Variants in DNAI3 observed in about 807,000 individuals in gnomAD.
DNAI3 encodes the protein dynein axonemal intermediate chain 3, also known as WD repeat domain 63.
In DNAI3, 83 loss-of-function variants were observed where a neutral mutation model predicts 115.5. That is an observed-to-expected ratio of 0.72 (90% CI 0.60 to 0.86). The LOEUF is 0.86. DNAI3 is among the 40% of genes least tolerant of loss of function. The pLI, the probability that DNAI3 is intolerant of heterozygous loss-of-function variation, is 0.00. For synonymous variants in DNAI3, 320 were observed against 347.0 expected (o/e 0.92, Z 0.86); for missense variants, 1,004 against 1,075.8 (o/e 0.93, Z 0.93).
At chr1:85,128,835 G>T in intron 21 of DNAI3, 36 bp downstream of exon 21, 2 of 1,557,256 alleles carry the variant, frequency 1.3e-6, no homozygotes, top group South Asian at 2.3e-5. Context: ...GAATTAATGT[G>T]ACCAGATATT....
chr1:85,082,215 A>T, intron 4 of DNAI3, 85 bp from the exon 5 acceptor site: 1 of 1,056,726 alleles, frequency 9.5e-7, no homozygotes, highest in Non-Finnish European at 1.4e-6. Context: ...TTGGTTGATT[A>T]GCGAAATGTG....
chr1:85,070,193 G>A (rs555644003), intron 1 of DNAI3, among the ~76,000 whole-genome samples: 40 of 152,068 alleles, frequency 2.6e-4, no homozygotes, highest in Admixed American at 2.3e-3. Flanking sequence ...CCTGGGAAGC[G>A]GAGGTTGCGG....
At chr1:85,076,552 C>T (rs867475151) in intron 3 of DNAI3, among the ~76,000 whole-genome samples, 5 of 152,264 alleles carry the variant, frequency 3.3e-5, no homozygotes, top group Non-Finnish European at 7.4e-5. Context: ...GCTGGGGAGG[C>T]TTCACAATCA....
Position 85,085,987 on chromosome 1 carries a change from C to G in DNAI3, c.697C>G (p.Gln233Glu). The change falls in exon 7 of 23, where the codon CAA becomes GAA. Residue 233 changes from glutamine (Q) to glutamate (E), a missense_variant. By Grantham distance (29) the Gln-to-Glu change is conservative. This residue lies in a region of DNAI3 where 550 missense variants were observed against 568.1 expected (regional missense o/e 0.97). Coordinates refer to ENST00000294664, the MANE Select transcript of DNAI3 (RefSeq NM_145172.5). ...LKQLEKDVGMQVIPQIKDIST... is the reference protein window; with the variant it reads ...LKQLEKDVGMEVIPQIKDIST... Reference sequence around the variant, plus strand: ...ACAACTTGAAAAAGATGTTGGCATGCAAGTAATCCCCCAAATAAAGGACAT... The same window carrying G: ...ACAACTTGAAAAAGATGTTGGCATGGAAGTAATCCCCCAAATAAAGGACAT... 1 of 1,614,056 alleles carries G rather than the reference C, an allele frequency of 6.2e-7. No individual in the cohort carries two copies.
chr1:85,123,234 G>A (rs1571200738), intron 18 of DNAI3, among the ~76,000 whole-genome samples: 1 of 152,228 alleles, frequency 6.6e-6, no homozygotes, highest in East Asian at 1.9e-4. Flanking sequence ...AGCCTCCTCT[G>A]CTTTTACCTT....
At chr1:85,122,417 C>G (rs1656018475) in intron 18 of DNAI3, among the ~76,000 whole-genome samples, 1 of 152,200 alleles carries the variant, frequency 6.6e-6, no homozygotes, top group African/African-American at 2.4e-5. Flanking sequence ...GTCAGGAATA[C>G]AGGCACCCCA....
At chr1:85,075,240 G>A (rs1239879546) in intron 3 of DNAI3, among the ~76,000 whole-genome samples, 9 of 152,006 alleles carry the variant, frequency 5.9e-5, no homozygotes, top group Non-Finnish European at 1.2e-4. Context: ...CTGTCTCTCT[G>A]TCTAGATTGG....
intron 22 of DNAI3, among the ~76,000 whole-genome samples, chr1:85,131,574 C>CA (rs143745821): frequency 0.052 from 7,947 of 151,650 alleles, 269 homozygotes; most frequent in East Asian, 0.15. Flanking sequence ...GATCTCATTT[C>CA]AAAACATGTT....
At chr1:85,115,647 C>T (rs1384199068) in intron 16 of DNAI3, among the ~76,000 whole-genome samples, 1 of 150,472 alleles carries the variant, frequency 6.6e-6, no homozygotes, top group Non-Finnish European at 1.5e-5. Context: ...CTTCCCCAAC[C>T]TTTTTTGCAC....
At chr1:85,094,731 T>C (rs749159247) in intron 10 of DNAI3, among the ~76,000 whole-genome samples, 176 bp downstream of exon 10, 2 of 152,246 alleles carry the variant, frequency 1.3e-5, no homozygotes, top group Non-Finnish European at 2.9e-5. Context: ...AACTAAAGTT[T>C]ACAATTTGTT....
At chr1:85,076,265 A>G (rs1279627898) in intron 3 of DNAI3, among the ~76,000 whole-genome samples, 1 of 152,162 alleles carries the variant, frequency 6.6e-6, no homozygotes, top group African/African-American at 2.4e-5. Context: ...CCAATGTCAA[A>G]GGCCCAGTCA....
intron 1 of DNAI3, among the ~76,000 whole-genome samples, chr1:85,062,959 T>G (rs1241281861): frequency 6.6e-6 from 1 of 152,110 alleles, no homozygotes; most frequent in Non-Finnish European, 1.5e-5. Context: ...AGATAAACAG[T>G]GAGGAAGATG....
intron 5 of DNAI3, among the ~76,000 whole-genome samples, 190 bp downstream of exon 5, chr1:85,082,594 A>C (rs1461105610): frequency 6.6e-6 from 1 of 152,100 alleles, no homozygotes; most frequent in Non-Finnish European, 1.5e-5. Flanking sequence ...ACAGGCGTGC[A>C]CCACCACGTC....
At chr1:85,121,604 C>T in intron 17 of DNAI3, 147 bp from the exon 18 acceptor site, 2 of 668,004 alleles carry the variant, frequency 3.0e-6, no homozygotes, top group South Asian at 2.1e-5. Context: ...GAGGCTTTCC[C>T]TCTCCCCCAC....
intron 22 of DNAI3, among the ~76,000 whole-genome samples, chr1:85,130,781 A>G (rs1656299414): frequency 2.6e-5 from 4 of 152,168 alleles, no homozygotes; most frequent in Admixed American, 2.6e-4. Flanking sequence ...TGCTGAAGAT[A>G]TGAAACTTGA....
At chr1:85,072,974 A>AT in intron 2 of DNAI3, 80 bp from the exon 3 acceptor site, 2 of 879,288 alleles carry the variant, frequency 2.3e-6, no homozygotes, top group Non-Finnish European at 1.7e-6. Flanking sequence ...AAAAAAAAAA[A>AT]GAAGAAATAA....
In DNAI3 at chr1:85,126,614, A is replaced by G. The variant is rs756485141; in HGVS notation, c.2216A>G (p.Tyr739Cys). ...GVFYIGREDG[Y>C]IDIWDLLEKT... is the part of the protein sequence containing the mutation. ...TTCTACATCGGCCGAGAAGATGGAT[A>G]CATTGATATCTGGGACCTTCTGGAG... The change falls in exon 20 of 23, where the codon TAC becomes TGC. Residue 739 changes from tyrosine to cysteine, a missense_variant. Around this residue, in one of 3 missense-constraint regions of DNAI3, gnomAD observed 429 missense variants for 454.3 expected, o/e 0.94. Transcript: ENST00000294664. 2.5e-6 allele frequency: 4 copies of G among 1,614,180 alleles called. No individual in the cohort carries two copies. The highest frequency in any genetic ancestry group is 2.5e-6 in the Non-Finnish European group (3 of 1,180,010).
intron 2 of DNAI3, 49 bp from the exon 3 acceptor site, chr1:85,073,005 T>C (rs1426411575): frequency 5.6e-6 from 6 of 1,073,718 alleles, no homozygotes; most frequent in Non-Finnish European, 8.0e-6. Flanking sequence ...TAAATTGAGA[T>C]GTATTTGATT....
At chr1:85,088,449 T>C (rs978841600) in intron 7 of DNAI3, among the ~76,000 whole-genome samples, 13 of 151,954 alleles carry the variant, frequency 8.6e-5, no homozygotes, top group Non-Finnish European at 1.5e-5. Context: ...TTGGGAAGGG[T>C]AGCTGGTATG....
Sources: allele counts gnomAD v4.1 joint callset (sites outside exome capture counted in the v4.1 genomes callset), GRCh38; gene constraint gnomAD v4.1.1; regional missense constraint gnomAD v4.1.1; transcripts MANE v1.5; gene names NCBI Gene and HGNC (gene_info 2026-07-23, HGNC 2026-07-21).